AEBP2: variants seen among roughly 807,000 people sequenced by gnomAD.
AEBP2 encodes the protein zinc finger protein AEBP2.
In AEBP2, 10 loss-of-function variants were observed where a neutral mutation model predicts 50.8. The ratio of observed to expected loss-of-function variants is 0.20; its 90% CI spans 0.12 to 0.33. The LOEUF is 0.33. AEBP2 is among the 10% of genes least tolerant of loss of function. The probability of loss-of-function intolerance (pLI) is 1.00; values close to 1 mark genes in which losing one functional copy is unlikely to be tolerated. For synonymous variants in AEBP2, 296 were observed against 261.3 expected (o/e 1.13, Z -1.28); for missense variants, 570 against 688.0 (o/e 0.83, Z 1.92).
intron 1 of AEBP2, among the ~76,000 whole-genome samples, chr12:19,411,682 A>G (rs1281198531): frequency 6.6e-6 from 1 of 152,228 alleles, no homozygotes; most frequent in East Asian, 1.9e-4. Context: ...GTTCTGGCAC[A>G]TCTAAGACCT....
rs1763603931 is a variant in AEBP2 at position 19,521,214 on chromosome 12, A to G, written c.*3097A>G. On this transcript the variant is annotated 3_prime_UTR_variant, in exon 8 of 8. Transcript: ENST00000266508. ...TTGGAAACATAAACTTAGACCACAC[A>G]ACTTGCATTTTAATATGACAATGTT... 6.6e-6 allele frequency: 1 copy of G among 152,220 alleles called. No individual in the cohort carries two copies. The allele number at this position is 152,220 out of a possible 1,614,324, so 9.4% of individuals were successfully genotyped here.
intron 1 of AEBP2, among the ~76,000 whole-genome samples, chr12:19,453,284 C>A (rs1418222052): frequency 6.6e-6 from 1 of 150,596 alleles, no homozygotes; most frequent in Non-Finnish European, 1.5e-5. Context: ...AACGTACTTT[C>A]TTAAAAGTTT....
At chr12:19,476,028 T>C (rs929889274) in intron 3 of AEBP2, among the ~76,000 whole-genome samples, 1 of 152,208 alleles carries the variant, frequency 6.6e-6, no homozygotes, top group East Asian at 1.9e-4. Context: ...GATAATCTGC[T>C]GATTATTTCT....
chr12:19,458,765 T>G (rs146404563), intron 1 of AEBP2, among the ~76,000 whole-genome samples: 1,793 of 152,344 alleles, frequency 0.012, 39 homozygotes, highest in African/African-American at 0.041. Flanking sequence ...CAACTAATTT[T>G]GGACTTTTTA....
rs540349344 is a variant in AEBP2, at chr12:19,405,080, C to T, written c.-17+864C>T. ...CCTCCTGAGTAGCTGGGACTACAGG[C>T]ATGCCCCACCACGCCCAGCTAATTT... On this transcript the variant is annotated intron_variant, in intron 1 of 3. Coordinates refer to the AEBP2 transcript ENST00000538425. Among the ~76,000 whole-genome samples, 6 of 151,392 alleles carry T rather than the reference C, an allele frequency of 4.0e-5. No homozygotes were observed. In the South Asian group the frequency reaches 6.3e-4, roughly 16 times the overall value.
rs1016557465 is a variant in AEBP2 at position 19,440,453 on chromosome 12, C to T, written c.671+83C>T. 8 of 1,418,862 alleles carry T rather than the reference C, an allele frequency of 5.6e-6. No individual in the cohort carries two copies. In the African/African-American group the frequency reaches 5.7e-5, roughly 10 times the overall value. The allele number at this position is 1,418,862 out of a possible 1,614,324, so 87.9% of individuals were successfully genotyped here. ...AGAGGGGGACCAAGGCGACGTTTTG[C>T]CGCGATCCCCCTGCTCCCCGAATCC... On this transcript the variant is annotated intron_variant, in intron 1 of 7. Transcript: ENST00000266508.
chr12:19,421,344 CA>C (rs375160231), intron 1 of AEBP2, among the ~76,000 whole-genome samples: 14,633 of 82,330 alleles, frequency 0.18, 730 homozygotes, highest in African/African-American at 0.35. Flanking sequence ...GACTCTGTCT[CA>C]AAAAAAAAAA....
chr12:19,514,807 G>A, intron 7 of AEBP2, 23 bp downstream of exon 7: 1 of 1,550,922 alleles, frequency 6.4e-7, no homozygotes. Flanking sequence ...TTGCCTTTAT[G>A]TTTTACTTTT....
At chr12:19,484,174 C>T (rs889057463) in intron 3 of AEBP2, among the ~76,000 whole-genome samples, 1 of 151,792 alleles carries the variant, frequency 6.6e-6, no homozygotes, top group African/African-American at 2.4e-5. Flanking sequence ...ACATCCACCT[C>T]CTCAGTTCAA....
At chr12:19,440,421 G>T (rs1250151051) in intron 1 of AEBP2, 51 bp downstream of exon 1, 19 of 1,449,390 alleles carry the variant, frequency 1.3e-5, no homozygotes, top group Non-Finnish European at 1.7e-5. Flanking sequence ...GAACTCCCGG[G>T]CCCCTCAGAG....
chr12:19,511,841 A>C (rs1192560824), intron 5 of AEBP2, among the ~76,000 whole-genome samples: 1 of 151,640 alleles, frequency 6.6e-6, no homozygotes, highest in Non-Finnish European at 1.5e-5. Context: ...AATTTATTTT[A>C]TACTAAACAC....
At chr12:19,500,072 C>T in intron 4 of AEBP2, 25 bp from the exon 5 acceptor site, 4 of 1,580,098 alleles carry the variant, frequency 2.5e-6, no homozygotes, top group Non-Finnish European at 3.4e-6. Flanking sequence ...TCTAAATATT[C>T]TTTACTTTTT....
intron 3 of AEBP2, among the ~76,000 whole-genome samples, chr12:19,488,576 C>T (rs921675850): frequency 4.6e-5 from 7 of 151,956 alleles, no homozygotes; most frequent in African/African-American, 7.3e-5. Context: ...TCCTTTAGAT[C>T]GCCTCCTCAT....
At chr12:19,430,679 A>T (rs2095750955) in intron 1 of AEBP2, among the ~76,000 whole-genome samples, 1 of 152,056 alleles carries the variant, frequency 6.6e-6, no homozygotes, top group African/African-American at 2.4e-5. Context: ...GTTCTCCTTG[A>T]AGAGGTCCTT....
At chr12:19,489,945 A>G (rs1444092235) in intron 3 of AEBP2, among the ~76,000 whole-genome samples, 1 of 141,790 alleles carries the variant, frequency 7.1e-6, no homozygotes, top group African/African-American at 2.6e-5. Context: ...AATTCTCATT[A>G]CTGGTTTCAT....
intron 1 of AEBP2, among the ~76,000 whole-genome samples, chr12:19,412,936 C>T (rs965771549): frequency 6.6e-6 from 1 of 152,192 alleles, no homozygotes; most frequent in Admixed American, 6.5e-5. Context: ...GGTGGCCATG[C>T]CGCTTTCCCC....
rs879624624 is a variant in AEBP2, at chr12:19,475,464, G to GTGTATATATATA, written c.987+2110_987+2111insGTATATATATAT. On this transcript the variant is annotated intron_variant, in intron 3 of 7. Transcript: ENST00000266508. ...TATGTATGTATGTGTGTATGTGTGT[G>GTGTATATATATA]TATATATATATATACTGCATTTTCT... Among the ~76,000 whole-genome samples the GTGTATATATATA allele has an allele frequency of 3.9e-4, 59 of 150,878 alleles. 1 individual carries two copies. Among genetic ancestry groups the GTGTATATATATA allele is most frequent in the African/African-American group, 6.8e-4 (28 of 41,194 alleles).
In AEBP2 at chr12:19,440,016, A is replaced by C; in HGVS notation, c.317A>C (p.Glu106Ala). 5 of 1,524,436 alleles carry C rather than the reference A, an allele frequency of 3.3e-6. No homozygotes were observed. The highest frequency in any genetic ancestry group is 4.4e-6 in the Non-Finnish European group (5 of 1,142,048). The allele number at this position is 1,524,436 out of a possible 1,614,324, so 94.4% of individuals were successfully genotyped here. Reference protein sequence around the residue: ...DEDEEEDDEEEEDESSSSGGG... With the variant: ...DEDEEEDDEEAEDESSSSGGG... ...GACGAGGAGGAGGACGACGAGGAGGAGGAAGATGAGAGCAGCAGCAGCGGC... is the reference window on the plus strand; with the variant it reads ...GACGAGGAGGAGGACGACGAGGAGGCGGAAGATGAGAGCAGCAGCAGCGGC... The change falls in exon 1 of 8, where the codon GAG becomes GCG. Residue 106 changes from glutamate to alanine, a missense_variant. By Grantham distance (107) the Glu-to-Ala change is moderately radical. Around this residue, in one of 2 missense-constraint regions of AEBP2, gnomAD observed 386 missense variants for 336.8 expected, o/e 1.15. Transcript: ENST00000266508.
At chr12:19,475,769 T>C (rs1308045914) in intron 3 of AEBP2, among the ~76,000 whole-genome samples, 1 of 152,212 alleles carries the variant, frequency 6.6e-6, no homozygotes, top group Non-Finnish European at 1.5e-5. Flanking sequence ...TTTTTGCCTT[T>C]TAAATTATGG....
Sources: allele counts gnomAD v4.1 joint callset (sites outside exome capture counted in the v4.1 genomes callset), GRCh38; gene constraint gnomAD v4.1.1; regional missense constraint gnomAD v4.1.1; transcripts MANE v1.5; gene names NCBI Gene and HGNC (gene_info 2026-07-23, HGNC 2026-07-21).